The following ERC2 variants were observed in gnomAD, a reference collection of about 807,000 sequenced individuals.
ERC2 encodes the protein ELKS/RAB6-interacting/CAST family member 2.
Under a neutral mutation model 114.8 loss-of-function variants are expected in ERC2, and 42 were observed. The observed-to-expected ratio is 0.37, with a 90% CI of 0.29 to 0.47. The LOEUF is 0.47. Ranked by LOEUF, ERC2 falls within the 20% of genes least tolerant of loss-of-function variation. The pLI, the probability that ERC2 is intolerant of heterozygous loss-of-function variation, is 0.99. For synonymous variants in ERC2, 454 were observed against 425.5 expected, an observed-to-expected ratio of 1.07 and a Z score of -0.82; for missense variants, 939 against 1,150.7, an observed-to-expected ratio of 0.82 and a Z score of 2.66.
chr3:55,950,579 G>A lies in ERC2; in HGVS notation c.2268-19C>T, dbSNP rs1231966975. On this transcript the variant is annotated intron_variant, in intron 12 of 17. Coordinates refer to ENST00000288221, the MANE Select transcript of ERC2 (RefSeq NM_015576.3). ...CATATGCCTGAGAAAAGTCAGCACAGCTTGGTTAAATTCTACCACTGGAAG... is the reference window on the plus strand; with the variant it reads ...CATATGCCTGAGAAAAGTCAGCACAACTTGGTTAAATTCTACCACTGGAAG... 2.5e-6 allele frequency: 4 copies of A among 1,613,456 alleles called. No individual in the cohort carries two copies. The African/African-American group carries it at 4.0e-5, about 16-fold the overall frequency.
chr3:56,455,107 T>C (rs1205459340), intron 1 of ERC2, among the ~76,000 whole-genome samples: 1 of 152,064 alleles, frequency 6.6e-6, no homozygotes, highest in African/African-American at 2.4e-5. Flanking sequence ...ATGAGAAAGC[T>C]CTGGAGATTG....
At chr3:56,341,629 C>A (rs2058093041) in intron 2 of ERC2, among the ~76,000 whole-genome samples, 2 of 151,990 alleles carry the variant, frequency 1.3e-5, no homozygotes, top group South Asian at 4.2e-4. Context: ...ATATATCAGT[C>A]CATTCTGAGA....
intron 17 of ERC2, among the ~76,000 whole-genome samples, chr3:55,651,809 C>CCA (rs1330710868): frequency 1.3e-5 from 2 of 152,198 alleles, no homozygotes; most frequent in African/African-American, 4.8e-5. Context: ...ACTCATTCTG[C>CCA]CACACACAGG....
At chr3:55,814,039 GT>G (rs2059817484) in intron 14 of ERC2, among the ~76,000 whole-genome samples, 2 of 152,208 alleles carry the variant, frequency 1.3e-5, no homozygotes, top group South Asian at 4.1e-4. Context: ...AAGATATGAA[GT>G]TTGGAGAGGA....
intron 17 of ERC2, among the ~76,000 whole-genome samples, chr3:55,632,201 A>G (rs780499596): frequency 3.9e-5 from 6 of 152,204 alleles, no homozygotes; most frequent in Non-Finnish European, 7.3e-5. Flanking sequence ...TCCTTTGGCC[A>G]AACAGGAAAT....
intron 14 of ERC2, among the ~76,000 whole-genome samples, chr3:55,800,255 C>A (rs1163372680): frequency 6.6e-6 from 1 of 152,150 alleles, no homozygotes; most frequent in Non-Finnish European, 1.5e-5. Flanking sequence ...ATTCTCCTGC[C>A]TCAGCCTCCT....
chr3:56,081,852 T>C (rs1025634643), intron 6 of ERC2, among the ~76,000 whole-genome samples: 5 of 152,298 alleles, frequency 3.3e-5, no homozygotes, highest in African/African-American at 9.6e-5. Context: ...TTCTGTAGCA[T>C]TTTTAAATTG....
At chr3:56,465,553 T>G (rs546861893) in intron 1 of ERC2, among the ~76,000 whole-genome samples, 2 of 152,158 alleles carry the variant, frequency 1.3e-5, no homozygotes, top group East Asian at 3.9e-4. Context: ...AACTGAAGGA[T>G]GTTAAGAGCA....
chr3:55,944,612 ATAGT>A (rs1411703357), intron 13 of ERC2, among the ~76,000 whole-genome samples: 2 of 152,208 alleles, frequency 1.3e-5, no homozygotes, highest in African/African-American at 2.4e-5. Flanking sequence ...TTTCTAACAA[ATAGT>A]TAGTTCCCAA....
At chr3:56,086,624 C>A (rs1255308369) in intron 6 of ERC2, among the ~76,000 whole-genome samples, 1 of 151,696 alleles carries the variant, frequency 6.6e-6, no homozygotes, top group African/African-American at 2.4e-5. Flanking sequence ...TGGTGCAAAA[C>A]CACAAGCAGG....
chr3:56,315,635 A>G (rs1308780751), intron 2 of ERC2, among the ~76,000 whole-genome samples: 5 of 152,222 alleles, frequency 3.3e-5, no homozygotes, highest in African/African-American at 1.2e-4. Context: ...AACCAGTGAA[A>G]TAGAAATTTC....
intron 3 of ERC2, among the ~76,000 whole-genome samples, chr3:56,175,710 G>A (rs1036082902): frequency 6.6e-6 from 1 of 152,126 alleles, no homozygotes; most frequent in African/African-American, 2.4e-5. Context: ...GCAGAATTGG[G>A]AAGGGAGACA....
intron 14 of ERC2, among the ~76,000 whole-genome samples, chr3:55,862,721 G>A (rs1469207716): frequency 6.6e-6 from 1 of 152,102 alleles, no homozygotes; most frequent in Admixed American, 6.6e-5. Context: ...ATAATTAGAG[G>A]CCAAATTGAG....
At chr3:56,060,314 T>C (rs181787506) in intron 7 of ERC2, among the ~76,000 whole-genome samples, 407 of 152,348 alleles carry the variant, frequency 2.7e-3, no homozygotes, top group Non-Finnish European at 4.6e-3. Flanking sequence ...CTGCTGCTAC[T>C]AATCAGCTGC....
At chr3:56,109,529 C>A (rs1221828179) in intron 6 of ERC2, among the ~76,000 whole-genome samples, 1 of 152,032 alleles carries the variant, frequency 6.6e-6, no homozygotes, top group Non-Finnish European at 1.5e-5. Context: ...TCTAATCTAT[C>A]AAGGAAGTTT....
At chr3:55,696,846 C>G (rs2062959073) in intron 16 of ERC2, among the ~76,000 whole-genome samples, 1 of 152,188 alleles carries the variant, frequency 6.6e-6, no homozygotes, top group Non-Finnish European at 1.5e-5. Flanking sequence ...AACCTACTCT[C>G]ACACTAGGGT....
intron 15 of ERC2, among the ~76,000 whole-genome samples, chr3:55,725,670 C>T (rs2064868200): frequency 6.6e-6 from 1 of 152,136 alleles, no homozygotes; most frequent in South Asian, 2.1e-4. Context: ...GGGAGATGAA[C>T]TAAAATATGT....
intron 13 of ERC2, among the ~76,000 whole-genome samples, chr3:55,911,659 G>A (rs1212590731): frequency 6.6e-6 from 1 of 152,164 alleles, no homozygotes; most frequent in Non-Finnish European, 1.5e-5. Flanking sequence ...CAATTTCACA[G>A]AGCATGAATG....
intron 14 of ERC2, among the ~76,000 whole-genome samples, chr3:55,853,518 C>T (rs999125961): frequency 4.6e-5 from 7 of 151,866 alleles, no homozygotes; most frequent in Non-Finnish European, 1.0e-4. Context: ...CAGAGTGAGA[C>T]CCTGTCTCAA....
Sources: gnomAD v4.1 joint callset for allele counts (sites outside exome capture counted in the v4.1 genomes callset) on GRCh38, gnomAD v4.1.1 for gene constraint, MANE v1.5 for transcripts, NCBI Gene and HGNC (gene_info 2026-07-23, HGNC 2026-07-21) for gene names.